GLRA2: variants seen among roughly 807,000 people sequenced by gnomAD.
GLRA2 encodes the protein glycine receptor subunit alpha-2.
Under a neutral mutation model 31.6 loss-of-function variants are expected in GLRA2, and 11 were observed. The observed-to-expected ratio is 0.35, with a 90% CI of 0.22 to 0.58. The LOEUF (loss-of-function observed/expected upper bound fraction) is 0.58. Among genes scored for constraint, GLRA2 ranks in the 20% least tolerant of loss-of-function variants. The probability of loss-of-function intolerance (pLI) is 0.84; values close to 1 mark genes in which losing one functional copy is unlikely to be tolerated. For synonymous variants in GLRA2, 132 were observed against 134.0 expected, an observed-to-expected ratio of 0.99 and a Z score of 0.10; for missense variants, 212 against 351.8, an observed-to-expected ratio of 0.60 and a Z score of 3.18.
intron 4 of GLRA2, among the ~76,000 whole-genome samples, chrX:14,589,511 A>C (rs1336476772): frequency 9.6e-6 from 1 of 103,999 alleles, no homozygotes; most frequent in Non-Finnish European, 2.0e-5. Context: ...AAAAAAAAAA[A>C]AGTACAAAAA....
intron 4 of GLRA2, 36 bp from the exon 5 acceptor site, chrX:14,604,279 T>A (rs753793485): frequency 4.5e-6 from 4 of 890,158 alleles, no homozygotes; most frequent in Middle Eastern, 2.8e-4. Context: ...TTCATAGATT[T>A]AAAAATGGTT....
At chrX:14,707,200 A>AGAG (rs2091636447) in intron 8 of GLRA2, among the ~76,000 whole-genome samples, 1 of 111,718 alleles carries the variant, frequency 9.0e-6, no homozygotes, top group South Asian at 3.8e-4. Context: ...AGAATATGAG[A>AGAG]GAGAAGCATG....
chrX:14,640,457 CAT>C (rs1255458720), intron 7 of GLRA2, among the ~76,000 whole-genome samples: 1 of 111,669 alleles, frequency 9.0e-6, no homozygotes, highest in African/African-American at 3.2e-5. Context: ...CAGAGTAAAA[CAT>C]ATACATTAAA....
chrX:14,457,462 A>T, the GLRA2 span, among the ~76,000 whole-genome samples: 31 of 107,592 alleles, frequency 2.9e-4, no homozygotes, highest in African/African-American at 9.9e-4. Context: ...TGGTTTTCTG[A>T]TCTTGTGATA....
intron 7 of GLRA2, among the ~76,000 whole-genome samples, chrX:14,622,454 T>C (rs991536146): frequency 2.7e-5 from 3 of 112,126 alleles, no homozygotes; most frequent in Non-Finnish European, 5.6e-5. Context: ...ATGTCCTGAA[T>C]GGTATTGCCT....
the GLRA2 span, among the ~76,000 whole-genome samples, chrX:14,493,331 T>TA: frequency 9.2e-6 from 1 of 109,111 alleles, no homozygotes; most frequent in South Asian, 3.9e-4. Flanking sequence ...TATTCCATAA[T>TA]AAAAAAGGAA....
chrX:14,589,124 G>A (rs2090113049), intron 4 of GLRA2, among the ~76,000 whole-genome samples: 1 of 110,921 alleles, frequency 9.0e-6, no homozygotes, highest in South Asian at 3.8e-4. Context: ...TTTAATAGGA[G>A]TGGTGACAGA....
intron 7 of GLRA2, among the ~76,000 whole-genome samples, chrX:14,612,906 A>G: frequency 9.1e-6 from 1 of 110,042 alleles, no homozygotes; most frequent in Non-Finnish European, 1.9e-5. Flanking sequence ...GCAAACCACC[A>G]TGGCATGTGT....
At chrX:14,462,721 C>T in the GLRA2 span, among the ~76,000 whole-genome samples, 17 of 111,376 alleles carry the variant, frequency 1.5e-4, no homozygotes, top group African/African-American at 3.6e-4. Context: ...GTCTTCTCTA[C>T]GCTGTTCTAG....
chrX:14,608,706 C>T (rs3027390), intron 6 of GLRA2, among the ~76,000 whole-genome samples: 6,233 of 110,593 alleles, frequency 0.056, 181 homozygotes, highest in Non-Finnish European at 0.088. Context: ...CAAGCTGCAG[C>T]AAGCACAGAT....
chrX:14,695,207 A>G (rs1347312063), intron 8 of GLRA2, among the ~76,000 whole-genome samples: 7 of 111,651 alleles, frequency 6.3e-5, no homozygotes, highest in South Asian at 3.8e-4. Flanking sequence ...TAGAAAGCCT[A>G]TCTAGAGTGG....
intron 7 of GLRA2, among the ~76,000 whole-genome samples, chrX:14,681,951 CTATA>C (rs1226693047): frequency 7.1e-5 from 5 of 70,898 alleles, no homozygotes; most frequent in Non-Finnish European, 1.4e-4. Flanking sequence ...GTGTGTGTGT[CTATA>C]TATGTATATT....
At chrX:14,497,080 T>C in the GLRA2 span, among the ~76,000 whole-genome samples, 2 of 112,024 alleles carry the variant, frequency 1.8e-5, no homozygotes, top group East Asian at 5.6e-4. Context: ...CGTCTGATAT[T>C]TGGGTTAATT....
intron 8 of GLRA2, among the ~76,000 whole-genome samples, chrX:14,704,383 T>C (rs1034075214): frequency 1.8e-5 from 2 of 112,223 alleles, no homozygotes; most frequent in African/African-American, 6.5e-5. Context: ...AAAATCCAGA[T>C]CCTGCACAAT....
At chrX:14,461,890 T>G in the GLRA2 span, among the ~76,000 whole-genome samples, 1 of 112,117 alleles carries the variant, frequency 8.9e-6, no homozygotes, top group African/African-American at 3.2e-5. Context: ...TTCCTGTCAT[T>G]ATGATGATAG....
intron 7 of GLRA2, among the ~76,000 whole-genome samples, chrX:14,631,255 T>C (rs566866370): frequency 8.9e-6 from 1 of 111,800 alleles, no homozygotes; most frequent in South Asian, 3.7e-4. Flanking sequence ...TTTGGGTCTT[T>C]TTTATGTCTT....
the GLRA2 span, among the ~76,000 whole-genome samples, chrX:14,509,030 T>A: frequency 9.0e-5 from 10 of 111,684 alleles, no homozygotes; most frequent in Admixed American, 9.5e-4. Context: ...CTTCTCTCAC[T>A]CCTCTCTAAA....
chrX:14,707,761 T>A (rs1347644263), intron 8 of GLRA2, among the ~76,000 whole-genome samples: 4 of 109,866 alleles, frequency 3.6e-5, no homozygotes, highest in African/African-American at 1.3e-4. Context: ...AAAAAAGGTG[T>A]GTGTGTGTGT....
intron 4 of GLRA2, among the ~76,000 whole-genome samples, chrX:14,584,956 G>T (rs2090063949): frequency 9.0e-6 from 1 of 111,172 alleles, no homozygotes; most frequent in Admixed American, 9.6e-5. Context: ...TTACATTCTA[G>T]AATCATGAAG....
Sources: allele counts gnomAD v4.1 joint callset (sites outside exome capture counted in the v4.1 genomes callset), GRCh38; gene constraint gnomAD v4.1.1; transcripts MANE v1.5; gene names NCBI Gene and HGNC (gene_info 2026-07-23, HGNC 2026-07-21).